Variants in DAAM1 observed in about 807,000 individuals in gnomAD.
DAAM1 encodes disheveled-associated activator of morphogenesis 1.
In DAAM1, 52 loss-of-function variants were observed where a neutral mutation model predicts 130.0. The ratio of observed to expected loss-of-function variants is 0.40; its 90% CI spans 0.32 to 0.50. The LOEUF (loss-of-function observed/expected upper bound fraction) is 0.50. Ranked by LOEUF, DAAM1 falls within the 20% of genes least tolerant of loss-of-function variation. DAAM1 has a pLI of 0.61. For synonymous variants in DAAM1, 452 were observed against 444.5 expected, an observed-to-expected ratio of 1.02 and a Z score of -0.21; for missense variants, 1,134 against 1,303.8, an observed-to-expected ratio of 0.87 and a Z score of 2.01.
chr14:59,369,858 C>CTAAA lies in DAAM1; in HGVS notation c.*1000_*1003dup, dbSNP rs1389000695. 6.7e-6 allele frequency: 1 copy of CTAAA among 149,766 alleles called. No homozygotes were observed. The highest frequency in any genetic ancestry group is 2.0e-4 in the East Asian group (1 of 5,126). 9.3% of individuals were successfully genotyped at this position (149,766 alleles called of 1,614,324 possible). Reference sequence around the variant, plus strand: ...CATTTTCTGTAAATATAGGTCTGGACTAAAGGATACATAAAGAATGCACAA... The same window carrying CTAAA: ...CATTTTCTGTAAATATAGGTCTGGACTAAATAAAGGATACATAAAGAATGCACAA... On this transcript the variant is annotated 3_prime_UTR_variant, in exon 25 of 25. Transcript: ENST00000360909.
chr14:59,345,453 TAGAAG>T (rs1886035890), intron 16 of DAAM1, among the ~76,000 whole-genome samples: 1 of 152,190 alleles, frequency 6.6e-6, no homozygotes, highest in South Asian at 2.1e-4. Flanking sequence ...GAACATGAAA[TAGAAG>T]AGAATGGTAT....
At chr14:59,310,173 C>T (rs561266945) in intron 3 of DAAM1, among the ~76,000 whole-genome samples, 24 of 149,228 alleles carry the variant, frequency 1.6e-4, no homozygotes, top group African/African-American at 4.7e-4. Context: ...TGCAGTGGTG[C>T]GATCTCGGCT....
At chr14:59,295,215 T>C (rs1883909063) in intron 3 of DAAM1, among the ~76,000 whole-genome samples, 2 of 152,196 alleles carry the variant, frequency 1.3e-5, no homozygotes, top group African/African-American at 4.8e-5. Context: ...GGTATTAGAT[T>C]GTTCATATTA....
At chr14:59,274,470 A>G (rs1249060888) in intron 2 of DAAM1, among the ~76,000 whole-genome samples, 1 of 152,168 alleles carries the variant, frequency 6.6e-6, no homozygotes, top group East Asian at 1.9e-4. Context: ...TCCACTATAT[A>G]TATGCACCTT....
chr14:59,351,047 C>G (rs1430968146), intron 17 of DAAM1, among the ~76,000 whole-genome samples: 1 of 152,120 alleles, frequency 6.6e-6, no homozygotes, highest in East Asian at 1.9e-4. Context: ...CTCACCTTCT[C>G]CTCCCCATCC....
At chr14:59,287,149 G>A (rs373849862) in intron 2 of DAAM1, among the ~76,000 whole-genome samples, 10 of 152,216 alleles carry the variant, frequency 6.6e-5, no homozygotes, top group East Asian at 1.9e-4. Flanking sequence ...ATCAATAAAC[G>A]TGATTCACCA....
At chr14:59,254,100 A>C (rs1019585276) in intron 1 of DAAM1, among the ~76,000 whole-genome samples, 4 of 152,168 alleles carry the variant, frequency 2.6e-5, no homozygotes, top group Non-Finnish European at 5.9e-5. Context: ...TTAAATACCA[A>C]AAGTGTGCTC....
intron 12 of DAAM1, among the ~76,000 whole-genome samples, chr14:59,329,772 G>A (rs1885347818): frequency 6.6e-6 from 1 of 152,120 alleles, no homozygotes; most frequent in African/African-American, 2.4e-5. Context: ...CAGGATTGAG[G>A]AAGTCAGTAA....
At chr14:59,272,242 A>G (rs534024210) in intron 2 of DAAM1, among the ~76,000 whole-genome samples, 2 of 152,324 alleles carry the variant, frequency 1.3e-5, no homozygotes, top group East Asian at 3.9e-4. Context: ...TTGTTTAGCT[A>G]AAGGAAACAA....
At chr14:59,356,794 T>C (rs1298005998) in intron 20 of DAAM1, among the ~76,000 whole-genome samples, 1 of 152,258 alleles carries the variant, frequency 6.6e-6, no homozygotes, top group Non-Finnish European at 1.5e-5. Context: ...CTGAGGTTAC[T>C]ACAGAATTTA....
chr14:59,363,531 A>G (rs779100284), intron 22 of DAAM1, 120 bp from the exon 23 acceptor site: 9 of 1,413,772 alleles, frequency 6.4e-6, no homozygotes, highest in Non-Finnish European at 8.6e-6. Flanking sequence ...TTTTAGAACA[A>G]GTTTTGATGT....
chr14:59,272,898 C>T (rs1252999), intron 2 of DAAM1, among the ~76,000 whole-genome samples: 149,841 of 152,310 alleles, frequency 0.98, 73,750 homozygotes, highest in East Asian at 1. Flanking sequence ...GATGATCTCA[C>T]ATCCAGGACT....
At chr14:59,228,226 ATCTT>A (rs1470968129) in intron 1 of DAAM1, among the ~76,000 whole-genome samples, 2 of 152,104 alleles carry the variant, frequency 1.3e-5, no homozygotes, top group Admixed American at 6.6e-5. Flanking sequence ...TTCTCTATTC[ATCTT>A]TCTTTATGGA....
At position 59,352,562 on chromosome 14, in the gene DAAM1, C is replaced by CTAT; in HGVS notation, c.2199_2201dup (p.Leu734dup). 6.2e-7 allele frequency: 1 copy of CTAT among 1,613,170 alleles called. No individual in the cohort carries two copies. The highest frequency in any genetic ancestry group is 8.5e-7 in the Non-Finnish European group (1 of 1,179,642). On this transcript the variant is annotated inframe_insertion, in exon 18 of 25. Transcript: ENST00000360909. ...TGTTCCTGAAAAAAGTGACATTGAC[C>CTAT]TATTGGAGGAACATAAACACGAACT...
At chr14:59,319,702 C>T (rs1238223232) in intron 4 of DAAM1, among the ~76,000 whole-genome samples, 1 of 152,112 alleles carries the variant, frequency 6.6e-6, no homozygotes, top group Admixed American at 6.6e-5. Flanking sequence ...GGTCTAGACA[C>T]CTTACTGGCA....
intron 1 of DAAM1, among the ~76,000 whole-genome samples, chr14:59,197,832 C>T (rs778245839): frequency 1.1e-4 from 16 of 152,160 alleles, no homozygotes; most frequent in Non-Finnish European, 1.9e-4. Context: ...TGTCTCCAGT[C>T]TGCCAAGTTC....
intron 2 of DAAM1, among the ~76,000 whole-genome samples, chr14:59,291,005 C>T (rs1883716745): frequency 6.6e-6 from 1 of 152,210 alleles, no homozygotes; most frequent in South Asian, 2.1e-4. Context: ...TGTGCCTCAT[C>T]CCTCTTGCTG....
At position 59,330,778 on chromosome 14, in the gene DAAM1, G is replaced by A. The variant is rs1010663237; in HGVS notation, c.1560+90G>A. On this transcript the variant is annotated intron_variant, in intron 13 of 24. Coordinates refer to ENST00000360909, the MANE Select transcript of DAAM1 (RefSeq NM_001270520.2). ...CTTAAGTAGAGAACTTCATACTGGG[G>A]GAATAAAATCTGAAATGGCTCATGA... 1.1e-5 allele frequency: 14 copies of A among 1,295,554 alleles called. No individual in the cohort carries two copies. In the South Asian group the frequency reaches 1.2e-4, roughly 11 times the overall value. 80.3% of individuals were successfully genotyped at this position (1,295,554 alleles called of 1,614,324 possible). A position where few individuals can be genotyped will look rare whatever the true frequency, so the allele number is the denominator to read the frequency against.
chr14:59,250,304 T>C (rs1240201885), intron 1 of DAAM1, among the ~76,000 whole-genome samples: 1 of 152,226 alleles, frequency 6.6e-6, no homozygotes. Flanking sequence ...GGGAACATTC[T>C]TCCTCTCTGT....
Sources: gnomAD v4.1 joint callset for allele counts (sites outside exome capture counted in the v4.1 genomes callset) on GRCh38, gnomAD v4.1.1 for gene constraint, MANE v1.5 for transcripts, NCBI Gene and HGNC (gene_info 2026-07-23, HGNC 2026-07-21) for gene names.